The following ZC3H7A variants were observed in gnomAD, a reference collection of about 807,000 sequenced individuals.
The protein encoded by ZC3H7A is zinc finger CCCH-type containing 7A.
A neutral mutation model predicts 125.5 loss-of-function variants in ZC3H7A; 44 were observed. The observed-to-expected ratio is 0.35, with a 90% CI of 0.28 to 0.45. The LOEUF is 0.45. ZC3H7A is among the 20% of genes least tolerant of loss of function. The pLI is 1.00. For synonymous variants in ZC3H7A, 399 were observed against 391.2 expected (o/e 1.02, Z -0.23); for missense variants, 977 against 1,170.7 (o/e 0.83, Z 2.41).
Position 11,751,521 on chromosome 16 carries a change from C to G in ZC3H7A, c.2727-15G>C. 1 of 1,607,266 alleles carries G rather than the reference C, an allele frequency of 6.2e-7. No individual in the cohort carries two copies. Among genetic ancestry groups the G allele is most frequent in the African/African-American group, 1.3e-5 (1 of 74,538 alleles). ...CATTCATATACCTGTAAGGAGAAGT[C>G]AGCTGCTCAGTGTCCATATAAGTTG... On this transcript the variant is annotated splice_polypyrimidine_tract_variant and intron_variant, in intron 22 of 22. Transcript: ENST00000355758.
At chr16:11,767,354 C>A in intron 13 of ZC3H7A, 63 bp downstream of exon 13, 1 of 1,245,546 alleles carries the variant, frequency 8.0e-7, no homozygotes, top group Non-Finnish European at 1.1e-6. Flanking sequence ...TGTCATTAAG[C>A]TAAGCATGAC....
At chr16:11,780,888 G>C (rs11865144) in intron 3 of ZC3H7A, among the ~76,000 whole-genome samples, 4,126 of 152,166 alleles carry the variant, frequency 0.027, 217 homozygotes, top group African/African-American at 0.094. Context: ...TTCCCTCTTG[G>C]TATCCAGTCC....
intron 15 of ZC3H7A, among the ~76,000 whole-genome samples, chr16:11,764,641 G>A (rs2141175988): frequency 6.6e-6 from 1 of 152,254 alleles, no homozygotes; most frequent in South Asian, 2.1e-4. Flanking sequence ...AGATTCACTT[G>A]AATCTGGGAG....
chr16:11,779,507 A>C (rs2053138728), intron 3 of ZC3H7A, 144 bp from the exon 4 acceptor site: 1 of 686,356 alleles, frequency 1.5e-6, no homozygotes, highest in Admixed American at 3.1e-5. Flanking sequence ...GATGCAGCCC[A>C]AGTCACTGCT....
Position 11,765,498 on chromosome 16 carries a change from G to A in ZC3H7A, c.1710C>T (p.Phe570=), listed in dbSNP as rs139422176. Residue 570 remains phenylalanine, a synonymous_variant, in exon 14 of 23, where the codon TTC becomes TTT. Transcript: ENST00000355758. This position sits in a 1 kb window ranked among gnomAD's most constrained non-coding sequence, Gnocchi z 4.8. ...GTTTTGGAGAACACACCTCACAAAG[G>A]AATATAAATTCCCCAAGATGCTCCT... is the stretch of plus-strand genomic sequence containing the variant. ...LLQEHLGEFI[F]LCEKCFDHKP... The A allele has an allele frequency of 1.2e-3, 1,908 of 1,612,570 alleles. 1 individual carries two copies. Among genetic ancestry groups the A allele is most frequent in the Non-Finnish European group, 1.5e-3 (1,805 of 1,179,184 alleles).
At position 11,779,212 on chromosome 16, in the gene ZC3H7A, A is replaced by G; in HGVS notation, c.260T>C (p.Ile87Thr). Residue 87 changes from isoleucine to threonine, a missense_variant, in exon 4 of 23, where the codon ATA becomes ACA. By Grantham distance (89) the Ile-to-Thr change is moderately conservative. Coordinates refer to ENST00000355758, the MANE Select transcript of ZC3H7A (RefSeq NM_014153.4). ...KSEEILIPKE[I>T]IEKLYINRIA... ...ACGATTTATATATAGTTTTTCAATTATTTCTTTGGGGATTAAAATTTCTTC... is the reference window on the plus strand; with the variant it reads ...ACGATTTATATATAGTTTTTCAATTGTTTCTTTGGGGATTAAAATTTCTTC... 6.2e-7 allele frequency: 1 copy of G among 1,609,964 alleles called. No homozygotes were observed. Among genetic ancestry groups the G allele is most frequent in the Non-Finnish European group, 8.5e-7 (1 of 1,176,686 alleles).
Position 11,770,874 on chromosome 16 carries a change from G to A in ZC3H7A, c.1017C>T (p.Pro339=). 1 of 1,614,198 alleles carries A rather than the reference G, an allele frequency of 6.2e-7. No individual in the cohort carries two copies. ...AAGGTGGATAAAATTCTGAGAAGGA[G>A]GGTGGAGGAGCATACCTCGCACCAA... is the stretch of plus-strand genomic sequence containing the variant. ...LPIGARYAPP[P]SFSEFYPPLT... The change falls in exon 10 of 23, where the codon CCC becomes CCT. Residue 339 remains proline, a synonymous_variant. Coordinates refer to ENST00000355758, the MANE Select transcript of ZC3H7A (RefSeq NM_014153.4).
At chr16:11,756,039 T>C (rs560472413) in intron 21 of ZC3H7A, among the ~76,000 whole-genome samples, 198 bp downstream of exon 21, 22 of 152,260 alleles carry the variant, frequency 1.4e-4, no homozygotes, top group Non-Finnish European at 2.6e-4. Flanking sequence ...GGCGCGAGCC[T>C]ATAATCCCAG....
At chr16:11,788,738 C>A (rs776075466) in intron 1 of ZC3H7A, among the ~76,000 whole-genome samples, 2 of 151,770 alleles carry the variant, frequency 1.3e-5, no homozygotes, top group Non-Finnish European at 2.9e-5. Context: ...CTCAGCCGCC[C>A]CAGTATCTGG....
At chr16:11,794,695 C>T (rs1241367123) in intron 1 of ZC3H7A, among the ~76,000 whole-genome samples, 1 of 152,168 alleles carries the variant, frequency 6.6e-6, no homozygotes, top group Admixed American at 6.6e-5. Context: ...CTGAAATGCT[C>T]AAAACTTTCC....
intron 8 of ZC3H7A, 88 bp from the exon 9 acceptor site, chr16:11,774,607 GA>G: frequency 2.2e-6 from 3 of 1,355,636 alleles, no homozygotes; most frequent in Non-Finnish European, 3.0e-6. Context: ...ATACAAAGAT[GA>G]AAATATGAAG....
At chr16:11,752,576 C>CT in intron 22 of ZC3H7A, 93 bp downstream of exon 22, 1 of 1,483,638 alleles carries the variant, frequency 6.7e-7, no homozygotes, top group Non-Finnish European at 9.1e-7. Context: ...AACATTAGAA[C>CT]TTTAACACCC....
chr16:11,780,861 C>G (rs2053163296), intron 3 of ZC3H7A, among the ~76,000 whole-genome samples: 1 of 152,156 alleles, frequency 6.6e-6, no homozygotes, highest in East Asian at 1.9e-4. Context: ...TGTTCCTAAA[C>G]AGCAGATCAC....
intron 1 of ZC3H7A, among the ~76,000 whole-genome samples, chr16:11,787,537 T>C (rs558400021): frequency 3.9e-5 from 6 of 152,262 alleles, no homozygotes; most frequent in South Asian, 4.1e-4. Context: ...TCACAGCTCA[T>C]TGCAACCTTA....
chr16:11,761,613 T>A (rs2052754504), intron 18 of ZC3H7A, 102 bp from the exon 19 acceptor site: 6 of 1,205,474 alleles, frequency 5.0e-6, no homozygotes, highest in Non-Finnish European at 7.1e-6. Flanking sequence ...AGAGAATTTT[T>A]TTCTCAATGC....
rs1218635739 is a variant in ZC3H7A at position 11,751,144 on chromosome 16, G to A, written c.*173C>T. ...GATGCCAGTGGTTCCGTGAGAGCGT[G>A]GCCAGGCCTGTGAAACAGCCCATTT... is the stretch of plus-strand genomic sequence containing the variant. On this transcript the variant is annotated 3_prime_UTR_variant, in exon 23 of 23. Transcript: ENST00000355758. 2 of 611,186 alleles carry A rather than the reference G, an allele frequency of 3.3e-6. No homozygotes were observed. The highest frequency in any genetic ancestry group is 1.9e-5 in the African/African-American group (1 of 53,506). The allele number at this position is 611,186 out of a possible 1,614,324, so 37.9% of individuals were successfully genotyped here. A position where few individuals can be genotyped will look rare whatever the true frequency, so the allele number is the denominator to read the frequency against.
At chr16:11,796,709 T>G (rs2053444252) in intron 1 of ZC3H7A, 1 of 151,558 alleles carries the variant, frequency 6.6e-6, no homozygotes, top group South Asian at 2.1e-4. Flanking sequence ...AGCCCCAAAT[T>G]AATGCGCCAA....
At chr16:11,795,352 G>A (rs913447547) in intron 1 of ZC3H7A, among the ~76,000 whole-genome samples, 4 of 152,182 alleles carry the variant, frequency 2.6e-5, no homozygotes, top group African/African-American at 7.2e-5. Context: ...CCATTCAGAT[G>A]CCCCAGCTGC....
chr16:11,757,609 T>C (rs1190961278), intron 20 of ZC3H7A, among the ~76,000 whole-genome samples: 1 of 152,048 alleles, frequency 6.6e-6, no homozygotes, highest in Non-Finnish European at 1.5e-5. Context: ...TCTAACAATG[T>C]ATCATCAGGC....
Sources: gnomAD v4.1 joint callset for allele counts (sites outside exome capture counted in the v4.1 genomes callset) on GRCh38, gnomAD v4.1.1 for gene constraint, Gnocchi (gnomAD v3.1) non-coding constraint, MANE v1.5 for transcripts, NCBI Gene and HGNC (gene_info 2026-07-23, HGNC 2026-07-21) for gene names.